NEGR1: variants seen among roughly 807,000 people sequenced by gnomAD.
NEGR1 encodes the protein IgLON family member 4.
NEGR1 carries 10 observed loss-of-function variants against 40.9 expected under a neutral mutation model. The observed-to-expected ratio is 0.24, with a 90% CI of 0.15 to 0.42. The LOEUF (loss-of-function observed/expected upper bound fraction) is 0.42, where lower values mean the gene tolerates loss of function less well. NEGR1 is among the 10% of genes least tolerant of loss of function. NEGR1 has a pLI of 1.00. For missense variants in NEGR1, 352 were observed against 438.9 expected (o/e 0.80, Z 1.77); for synonymous variants, 185 against 166.8 (o/e 1.11, Z -0.84).
intron 1 of NEGR1, among the ~76,000 whole-genome samples, chr1:72,244,032 C>T (rs1048659359): frequency 1.3e-5 from 2 of 151,740 alleles, no homozygotes; most frequent in Non-Finnish European, 3.0e-5. Context: ...TTTTCTAGTA[C>T]ACCGTATTTA....
At chr1:72,086,040 A>C (rs1450354016) in intron 1 of NEGR1, among the ~76,000 whole-genome samples, 1 of 151,704 alleles carries the variant, frequency 6.6e-6, no homozygotes, top group Non-Finnish European at 1.5e-5. Context: ...CACCTGCAAC[A>C]CTGAAAGCTT....
At chr1:71,626,908 C>T (rs901845950) in intron 4 of NEGR1, among the ~76,000 whole-genome samples, 3 of 152,186 alleles carry the variant, frequency 2.0e-5, no homozygotes, top group Admixed American at 1.3e-4. Context: ...CTCATCATCA[C>T]TGGCCATCAG....
chr1:71,927,182 C>A (rs904491974), intron 2 of NEGR1, among the ~76,000 whole-genome samples: 2 of 152,100 alleles, frequency 1.3e-5, no homozygotes, highest in African/African-American at 4.8e-5. Flanking sequence ...CTGATATATC[C>A]TGCCATGTAA....
At chr1:71,538,121 C>T (rs1647569506) in intron 6 of NEGR1, among the ~76,000 whole-genome samples, 1 of 151,558 alleles carries the variant, frequency 6.6e-6, no homozygotes, top group Admixed American at 6.6e-5. Context: ...TGTAAAATAA[C>T]ATTTTACTTC....
At chr1:71,671,056 C>A (rs11209817) in intron 4 of NEGR1, among the ~76,000 whole-genome samples, 1 of 151,720 alleles carries the variant, frequency 6.6e-6, no homozygotes, top group East Asian at 1.9e-4. Context: ...TTTTAATATG[C>A]GAATTATAAC....
chr1:71,687,963 T>A (rs146006531), intron 4 of NEGR1, among the ~76,000 whole-genome samples: 1 of 152,240 alleles, frequency 6.6e-6, no homozygotes, highest in East Asian at 1.9e-4. Flanking sequence ...ATGAAGAAAT[T>A]TGGCAATTTT....
chr1:72,258,919 T>C (rs1319913177), intron 1 of NEGR1, among the ~76,000 whole-genome samples: 1 of 152,172 alleles, frequency 6.6e-6, no homozygotes, highest in Non-Finnish European at 1.5e-5. Flanking sequence ...TCTTTTAATT[T>C]ATAATTCTCC....
intron 1 of NEGR1, among the ~76,000 whole-genome samples, chr1:72,011,679 AAT>A (rs1646658697): frequency 6.6e-6 from 1 of 152,176 alleles, no homozygotes; most frequent in Non-Finnish European, 1.5e-5. Context: ...TAACAGAAGT[AAT>A]AGTGTGAAAA....
intron 2 of NEGR1, among the ~76,000 whole-genome samples, chr1:71,904,225 G>T (rs1201623150): frequency 1.3e-5 from 2 of 151,734 alleles, no homozygotes; most frequent in Non-Finnish European, 2.9e-5. Flanking sequence ...AGTAATAACT[G>T]GATTTCAAAT....
At chr1:72,260,347 C>T (rs546665700) in intron 1 of NEGR1, among the ~76,000 whole-genome samples, 3 of 152,152 alleles carry the variant, frequency 2.0e-5, no homozygotes, top group African/African-American at 7.2e-5. Flanking sequence ...TATTTCTGAA[C>T]AGAAACTTTC....
At chr1:71,419,039 T>C (rs1385378739) in intron 6 of NEGR1, among the ~76,000 whole-genome samples, 2 of 152,232 alleles carry the variant, frequency 1.3e-5, no homozygotes, top group Non-Finnish European at 2.9e-5. Flanking sequence ...AATTCTAAAG[T>C]ATATTCTACA....
At chr1:71,953,016 C>A (rs1646085993) in intron 1 of NEGR1, among the ~76,000 whole-genome samples, 1 of 150,962 alleles carries the variant, frequency 6.6e-6, no homozygotes, top group Non-Finnish European at 1.5e-5. Context: ...GAAAATGCAC[C>A]TAGTTGCTCA....
chr1:72,099,925 A>T (rs1648867459), intron 1 of NEGR1, among the ~76,000 whole-genome samples: 1 of 151,936 alleles, frequency 6.6e-6, no homozygotes, highest in Admixed American at 6.6e-5. Flanking sequence ...ACACATACAT[A>T]TGTAGAATCC....
chr1:71,952,204 A>G (rs1000155806), intron 1 of NEGR1, among the ~76,000 whole-genome samples: 1 of 152,036 alleles, frequency 6.6e-6, no homozygotes, highest in Non-Finnish European at 1.5e-5. Flanking sequence ...AAGACAGGTT[A>G]AAAGTTAGGT....
rs1215816847 is a variant in NEGR1 at position 71,909,230 on chromosome 1, G to A, written c.409+25849C>T. Among the ~76,000 whole-genome samples, 6 of 152,180 alleles carry A rather than the reference G, an allele frequency of 3.9e-5. No individual in the cohort carries two copies. The East Asian group carries it at 5.8e-4, about 15-fold the overall frequency. ...AGAAGGCATTGCTTCCTGCTGCCAC[G>A]TAGCAGGGCATATCAGCAGGAGTCC... is the stretch of plus-strand genomic sequence containing the variant. On this transcript the variant is annotated intron_variant, in intron 2 of 6. Coordinates refer to ENST00000357731, the MANE Select transcript of NEGR1 (RefSeq NM_173808.3).
intron 1 of NEGR1, among the ~76,000 whole-genome samples, chr1:72,197,921 G>C (rs1045877259): frequency 6.6e-6 from 1 of 152,032 alleles, no homozygotes; most frequent in Non-Finnish European, 1.5e-5. Context: ...TTTTAATTCA[G>C]TATTTTCCTT....
In NEGR1 at chr1:72,055,015, A is replaced by G. The variant is rs1049454200; in HGVS notation, c.177-119704T>C. Among the ~76,000 whole-genome samples the G allele has an allele frequency of 3.3e-5, 5 of 151,164 alleles. No individual in the cohort carries two copies. The Admixed American group carries it at 3.3e-4, about 10-fold the overall frequency. On this transcript the variant is annotated intron_variant, in intron 1 of 6. Transcript: ENST00000357731. ...AATATTAACACTTATAGCACGTCTC[A>G]TCTTCAAAGCTTTTTCCAAATATTA... is the stretch of plus-strand genomic sequence containing the variant.
intron 2 of NEGR1, among the ~76,000 whole-genome samples, chr1:71,934,853 T>C (rs886291525): frequency 1.3e-5 from 2 of 152,124 alleles, no homozygotes; most frequent in East Asian, 1.9e-4. Flanking sequence ...GTGTTTCAAC[T>C]GAAAGCCAGT....
intron 1 of NEGR1, among the ~76,000 whole-genome samples, chr1:72,119,863 G>A (rs1302870673): frequency 6.6e-6 from 1 of 151,920 alleles, no homozygotes; most frequent in Non-Finnish European, 1.5e-5. Context: ...TAGGGAATTT[G>A]TAGACAATAG....
Sources: gnomAD v4.1 joint callset for allele counts (sites outside exome capture counted in the v4.1 genomes callset) on GRCh38, gnomAD v4.1.1 for gene constraint, MANE v1.5 for transcripts, NCBI Gene and HGNC (gene_info 2026-07-23, HGNC 2026-07-21) for gene names.